Variants in ARHGAP10 observed in about 807,000 individuals in gnomAD.
ARHGAP10 encodes Rho GTPase activating protein 10.
A neutral mutation model predicts 108.6 loss-of-function variants in ARHGAP10; 87 were observed. The ratio of observed to expected loss-of-function variants is 0.80; its 90% confidence interval spans 0.67 to 0.96. The LOEUF (loss-of-function observed/expected upper bound fraction) is 0.96. Among genes scored for constraint, ARHGAP10 ranks in the 40% least tolerant of loss-of-function variants. The probability of loss-of-function intolerance (pLI) is 0.00; values close to 1 mark genes in which losing one functional copy is unlikely to be tolerated. For synonymous variants in ARHGAP10, 347 were observed against 341.1 expected, an observed-to-expected ratio of 1.02 and a Z score of -0.19; for missense variants, 939 against 954.5, an observed-to-expected ratio of 0.98 and a Z score of 0.21.
At chr4:147,937,083 C>T (rs887040538) in intron 13 of ARHGAP10, among the ~76,000 whole-genome samples, 2 of 152,180 alleles carry the variant, frequency 1.3e-5, no homozygotes, top group East Asian at 1.9e-4. Flanking sequence ...CCACCCCAAT[C>T]GGTGGAAAAA....
At chr4:147,814,289 A>G (rs1434329495) in intron 1 of ARHGAP10, among the ~76,000 whole-genome samples, 5 of 147,778 alleles carry the variant, frequency 3.4e-5, no homozygotes, top group Non-Finnish European at 7.4e-5. Flanking sequence ...GCTAGGATGC[A>G]TCTTTTTTTT....
chr4:147,896,526 A>T (rs1476482004), intron 10 of ARHGAP10, among the ~76,000 whole-genome samples: 1 of 152,122 alleles, frequency 6.6e-6, no homozygotes, highest in Non-Finnish European at 1.5e-5. Flanking sequence ...TTATAATGGT[A>T]ACTTATGCTT....
chr4:148,030,785 C>T (rs1363270494), intron 19 of ARHGAP10, among the ~76,000 whole-genome samples: 1 of 152,078 alleles, frequency 6.6e-6, no homozygotes, highest in Non-Finnish European at 1.5e-5. Context: ...CTGGTTCCCT[C>T]TGCATGCTCA....
intron 18 of ARHGAP10, among the ~76,000 whole-genome samples, chr4:147,994,632 G>A (rs1003113591): frequency 6.6e-6 from 1 of 152,172 alleles, no homozygotes; most frequent in Non-Finnish European, 1.5e-5. Flanking sequence ...TCCATCTCCT[G>A]TACTCTTTAA....
chr4:147,740,694 C>G (rs971547461), intron 1 of ARHGAP10, among the ~76,000 whole-genome samples: 2 of 152,234 alleles, frequency 1.3e-5, no homozygotes, highest in Non-Finnish European at 2.9e-5. Context: ...CCACCTTCCT[C>G]TTTTCCTCCC....
intron 18 of ARHGAP10, among the ~76,000 whole-genome samples, chr4:148,007,048 C>T (rs764674590): frequency 1.7e-4 from 26 of 152,202 alleles, no homozygotes; most frequent in Middle Eastern, 3.4e-3. Context: ...CCTGTAGGTG[C>T]GGTGGGAGTT....
chr4:147,939,980 G>T, intron 14 of ARHGAP10, 81 bp downstream of exon 14: 1 of 1,294,392 alleles, frequency 7.7e-7, no homozygotes, highest in South Asian at 1.3e-5. Flanking sequence ...TCATAATAAT[G>T]TAGAGAATAC....
chr4:147,906,657 A>T lies in ARHGAP10; in HGVS notation c.1054A>T (p.Met352Leu). The T allele has an allele frequency of 6.2e-7, 1 of 1,614,190 alleles. No individual in the cohort carries two copies. Among genetic ancestry groups the T allele is most frequent in the South Asian group, 1.1e-5 (1 of 91,078 alleles). The change falls in exon 11 of 23, where the codon ATG becomes TTG. Residue 352 changes from methionine (M) to leucine (L), a missense_variant. By Grantham distance (15) the Met-to-Leu change is conservative (BLOSUM62 2). Transcript: ENST00000336498. The part of the protein sequence containing the change: ...AADRPGVSLT[M>L]QAFSEEERKQ... The stretch of plus-strand genomic sequence containing the variant: ...TTTCAGGCCTGGCGTTTCCTTGACC[A>T]TGCAGGCATTTTCCGAAGAGGAAAG...
intron 5 of ARHGAP10, among the ~76,000 whole-genome samples, chr4:147,860,769 C>T (rs929257558): frequency 1.3e-5 from 2 of 152,136 alleles, no homozygotes; most frequent in Non-Finnish European, 2.9e-5. Context: ...TACTTTCTTA[C>T]ATATATTTAC....
At chr4:147,969,292 C>A (rs1387264080) in intron 18 of ARHGAP10, among the ~76,000 whole-genome samples, 1 of 136,528 alleles carries the variant, frequency 7.3e-6, no homozygotes, top group Non-Finnish European at 1.6e-5. Flanking sequence ...GTAAAAGCAG[C>A]TTGTTTATGG....
At chr4:147,905,808 A>G (rs1337375284) in intron 10 of ARHGAP10, among the ~76,000 whole-genome samples, 7 of 151,602 alleles carry the variant, frequency 4.6e-5, no homozygotes, top group African/African-American at 1.2e-4. Context: ...CATTGAATCT[A>G]TAAATTACCT....
chr4:147,889,069 CAGATTT>C (rs957689105), intron 10 of ARHGAP10, among the ~76,000 whole-genome samples: 2 of 152,222 alleles, frequency 1.3e-5, no homozygotes, highest in African/African-American at 4.8e-5. Flanking sequence ...GGACATTTAA[CAGATTT>C]GTACTGGATT....
chr4:147,889,553 G>T (rs998276354), intron 10 of ARHGAP10, among the ~76,000 whole-genome samples: 1 of 152,210 alleles, frequency 6.6e-6, no homozygotes, highest in Admixed American at 6.5e-5. Flanking sequence ...GCCTGCCTCT[G>T]CCTCCCAAAG....
At chr4:147,912,516 C>CAAAACA (rs1352946456) in intron 12 of ARHGAP10, among the ~76,000 whole-genome samples, 160 of 140,508 alleles carry the variant, frequency 1.1e-3, no homozygotes, top group African/African-American at 4.2e-3. Context: ...GACTCCCTCT[C>CAAAACA]AAAACAAAAA....
rs1734154817 is a variant in ARHGAP10, at chr4:147,857,770, A to G, written c.486+116A>G. 5.5e-6 allele frequency: 5 copies of G among 910,050 alleles called. No homozygotes were observed. In the South Asian group the frequency reaches 9.7e-5, roughly 18 times the overall value. The allele number at this position is 910,050 out of a possible 1,614,324, so 56.4% of individuals were successfully genotyped here. A position where few individuals can be genotyped will look rare whatever the true frequency, so the allele number is the denominator to read the frequency against. ...TCTGGCATTATATAGAGATAACAAAAAGTGAACAGGTATTGTCATAAATTA... is the reference window on the plus strand; with the variant it reads ...TCTGGCATTATATAGAGATAACAAAGAGTGAACAGGTATTGTCATAAATTA... On this transcript the variant is annotated intron_variant, in intron 5 of 22. Transcript: ENST00000336498.
At chr4:148,053,110 T>C (rs1396033487) in intron 20 of ARHGAP10, among the ~76,000 whole-genome samples, 7 of 152,162 alleles carry the variant, frequency 4.6e-5, no homozygotes, top group African/African-American at 1.2e-4. Context: ...GCGGTAGATA[T>C]ATCTTCATTT....
chr4:147,950,490 C>T (rs1738556862), intron 15 of ARHGAP10, among the ~76,000 whole-genome samples: 1 of 152,174 alleles, frequency 6.6e-6, no homozygotes, highest in South Asian at 2.1e-4. Flanking sequence ...TAGCTTTTCT[C>T]ACCCAAAAAA....
At chr4:147,950,648 G>C (rs957238711) in intron 15 of ARHGAP10, among the ~76,000 whole-genome samples, 6 of 152,192 alleles carry the variant, frequency 3.9e-5, no homozygotes, top group African/African-American at 1.4e-4. Flanking sequence ...AGAAGGAAAA[G>C]TATGTGCAGT....
chr4:147,980,078 G>C (rs1366012037), intron 18 of ARHGAP10, among the ~76,000 whole-genome samples: 1 of 152,130 alleles, frequency 6.6e-6, no homozygotes, highest in Non-Finnish European at 1.5e-5. Flanking sequence ...TGTTGAATAG[G>C]AATGGTGAGA....
Sources: gnomAD v4.1 joint callset for allele counts (sites outside exome capture counted in the v4.1 genomes callset) on GRCh38, gnomAD v4.1.1 for gene constraint, MANE v1.5 for transcripts, NCBI Gene and HGNC (gene_info 2026-07-23, HGNC 2026-07-21) for gene names.